Variants in FGD4 observed in about 807,000 individuals in gnomAD.
FGD4 encodes the protein FYVE, RhoGEF and PH domain-containing protein 4.
In FGD4, 42 loss-of-function variants were observed where a neutral mutation model predicts 102.0. The observed-to-expected ratio is 0.41, with a 90% confidence interval of 0.32 to 0.53. The LOEUF (loss-of-function observed/expected upper bound fraction) is 0.53. Among genes scored for constraint, FGD4 ranks in the 20% least tolerant of loss-of-function variants. FGD4 has a pLI of 0.21. For missense variants in FGD4, 902 were observed against 1,078.2 expected, an observed-to-expected ratio of 0.84 and a Z score of 2.29; for synonymous variants, 380 against 375.7, an observed-to-expected ratio of 1.01 and a Z score of -0.13.
At chr12:32,458,267 C>T (rs1454035683) in intron 1 of FGD4, among the ~76,000 whole-genome samples, 4 of 151,874 alleles carry the variant, frequency 2.6e-5, no homozygotes, top group Non-Finnish European at 5.9e-5. Flanking sequence ...CCTCCCTGGG[C>T]TCAGGTGATC....
intron 14 of FGD4, among the ~76,000 whole-genome samples, chr12:32,629,005 A>G (rs1592470024): frequency 6.6e-6 from 1 of 152,198 alleles, no homozygotes; most frequent in South Asian, 2.1e-4. Flanking sequence ...CTTCCTGAGT[A>G]TCTAAAGAAC....
Position 32,399,904 on chromosome 12 carries a change from C to A in FGD4, c.111C>A (p.His37Gln), listed in dbSNP as rs760657713. 79 of 1,527,692 alleles carry A rather than the reference C, an allele frequency of 5.2e-5. 1 individual carries two copies. In the South Asian group the frequency reaches 9.2e-4, roughly 18 times the overall value. The allele number at this position is 1,527,692 out of a possible 1,614,324, so 94.6% of individuals were successfully genotyped here. A position where few individuals can be genotyped will look rare whatever the true frequency, so the allele number is the denominator to read the frequency against. ...VPRPWSRPAS[H>Q]LGRVGTAAFK... Reference sequence around the variant, plus strand: ...GGCCCTGGAGCAGGCCCGCGTCGCACCTGGGACGTGTAGGGACCGCTGCCT... The same window carrying A: ...GGCCCTGGAGCAGGCCCGCGTCGCAACTGGGACGTGTAGGGACCGCTGCCT... The change falls in exon 1 of 17, where the codon CAC becomes CAA. Residue 37 changes from histidine to glutamine, a missense_variant. Physicochemically the swap from His to Gln is conservative, Grantham distance 24. Transcript: ENST00000534526.
rs144103660 is a variant in FGD4 at position 32,643,255 on chromosome 12, T to C, written c.*2722T>C. 1.2e-3 allele frequency: 181 copies of C among 152,646 alleles called. No individual in the cohort carries two copies. Among genetic ancestry groups the C allele is most frequent in the African/African-American group, 4.2e-3 (173 of 41,552 alleles). The allele number at this position is 152,646 out of a possible 1,614,324, so 9.5% of individuals were successfully genotyped here. ...GCTCAATAAAAAACACCAGCCACTT[T>C]TGTAATAATGGCATCACAGTGTCAT... On this transcript the variant is annotated 3_prime_UTR_variant, in exon 17 of 17. Transcript: ENST00000534526.
chr12:32,612,391 C>T (rs928502662), intron 10 of FGD4, among the ~76,000 whole-genome samples: 4 of 152,140 alleles, frequency 2.6e-5, no homozygotes, highest in Admixed American at 6.5e-5. Context: ...ACAAACCAAG[C>T]GCAGCCTGCC....
chr12:32,455,560 AC>A (rs1942925982), intron 1 of FGD4, among the ~76,000 whole-genome samples: 1 of 152,164 alleles, frequency 6.6e-6, no homozygotes, highest in East Asian at 1.9e-4. Context: ...AAAGGTATTT[AC>A]CCAAAAACTA....
chr12:32,582,234 C>G lies in FGD4; in HGVS notation c.778C>G (p.Leu260Val), dbSNP rs1946672471. Residue 260 changes from leucine (L) to valine (V), a missense_variant, in exon 4 of 17, where the codon CTT (leucine) becomes GTT (valine). Leu to Val is a conservative substitution (Grantham distance 32). Transcript: ENST00000534526. ...TTCTATTCAAGCTTCTGAACCCTTG[C>G]TTGATACGCACATAGTGAATGGAGA... is the stretch of plus-strand genomic sequence containing the variant. Reference protein sequence around the residue: ...DTSIQASEPLLDTHIVNGERD... With the variant: ...DTSIQASEPLVDTHIVNGERD... The G allele has an allele frequency of 6.2e-7, 1 of 1,614,114 alleles. No homozygotes were observed. The highest frequency in any genetic ancestry group is 8.5e-7 in the Non-Finnish European group (1 of 1,180,042).
intron 3 of FGD4, 138 bp from the exon 4 acceptor site, chr12:32,581,822 C>G: frequency 2.2e-6 from 2 of 907,304 alleles, no homozygotes; most frequent in Non-Finnish European, 3.3e-6. Context: ...TAAGAATATT[C>G]AAATCCATGT....
rs1940569174 is a variant in FGD4, at chr12:32,399,776, G to A, written c.-18G>A. On this transcript the variant is annotated 5_prime_UTR_variant, in exon 1 of 17. Coordinates refer to ENST00000534526, the MANE Select transcript of FGD4 (RefSeq NM_001370298.3). ...CGGGAGCGGGAGGAGTCGGGGAGCG[G>A]CGGTCGAGCCCGGCAGGATGAGCGA... 5 of 1,528,776 alleles carry A rather than the reference G, an allele frequency of 3.3e-6. No homozygotes were observed. The highest frequency in any genetic ancestry group is 4.4e-6 in the Non-Finnish European group (5 of 1,144,586). 94.7% of individuals were successfully genotyped at this position (1,528,776 alleles called of 1,614,324 possible).
At chr12:32,589,992 T>G (rs1179246795) in intron 4 of FGD4, among the ~76,000 whole-genome samples, 1 of 152,174 alleles carries the variant, frequency 6.6e-6, no homozygotes, top group Non-Finnish European at 1.5e-5. Context: ...GACAGCCTGT[T>G]GATGCTTATG....
intron 1 of FGD4, among the ~76,000 whole-genome samples, chr12:32,450,725 C>T (rs1196484437): frequency 6.6e-6 from 1 of 152,224 alleles, no homozygotes; most frequent in African/African-American, 2.4e-5. Context: ...TACACATTTA[C>T]ATGTTGTCTC....
At chr12:32,401,250 T>C (rs1591831109) in intron 1 of FGD4, among the ~76,000 whole-genome samples, 1 of 152,220 alleles carries the variant, frequency 6.6e-6, no homozygotes, top group Admixed American at 6.5e-5. Context: ...AGTTGGAGAA[T>C]AGTGGGCACC....
At chr12:32,534,541 C>A (rs1246618703) in intron 1 of FGD4, 2 of 1,316,824 alleles carry the variant, frequency 1.5e-6, no homozygotes, top group African/African-American at 1.5e-5. Context: ...TTTTCTTCCC[C>A]AGCGTGGGTC....
At chr12:32,473,206 A>G (rs973654740) in intron 1 of FGD4, among the ~76,000 whole-genome samples, 1 of 152,016 alleles carries the variant, frequency 6.6e-6, no homozygotes, top group Non-Finnish European at 1.5e-5. Flanking sequence ...GGGGCCAGAT[A>G]AGAGAATAAA....
chr12:32,436,633 T>C (rs1942237761), intron 1 of FGD4, among the ~76,000 whole-genome samples: 1 of 152,222 alleles, frequency 6.6e-6, no homozygotes, highest in Non-Finnish European at 1.5e-5. Flanking sequence ...ATAAGCTTTT[T>C]CCCTATCCCT....
At chr12:32,623,455 G>T (rs180673883) in intron 11 of FGD4, among the ~76,000 whole-genome samples, 1 of 152,172 alleles carries the variant, frequency 6.6e-6, no homozygotes, top group African/African-American at 2.4e-5. Flanking sequence ...CAGCATTCCT[G>T]GCACATCATG....
intron 1 of FGD4, among the ~76,000 whole-genome samples, chr12:32,514,567 G>A (rs1475946388): frequency 1.3e-5 from 2 of 151,886 alleles, no homozygotes; most frequent in Non-Finnish European, 2.9e-5. Context: ...GCTGGAGTGC[G>A]GTGGCGTGAT....
At chr12:32,627,031 A>G (rs1028469478) in intron 14 of FGD4, among the ~76,000 whole-genome samples, 2 of 151,228 alleles carry the variant, frequency 1.3e-5, no homozygotes, top group African/African-American at 4.9e-5. Context: ...TATTTTTAGT[A>G]GGGATGGGGT....
At chr12:32,464,364 G>A (rs1700083118) in intron 1 of FGD4, among the ~76,000 whole-genome samples, 1 of 151,736 alleles carries the variant, frequency 6.6e-6, no homozygotes, top group Non-Finnish European at 1.5e-5. Context: ...TGTTGCCCAG[G>A]CTGGTCTCGA....
intron 4 of FGD4, among the ~76,000 whole-genome samples, chr12:32,598,228 T>C (rs1948068006): frequency 6.6e-6 from 1 of 152,176 alleles, no homozygotes; most frequent in Non-Finnish European, 1.5e-5. Flanking sequence ...TGCTAGGAAC[T>C]GAAAAAGATA....
Sources: allele counts gnomAD v4.1 joint callset (sites outside exome capture counted in the v4.1 genomes callset), GRCh38; gene constraint gnomAD v4.1.1; transcripts MANE v1.5; gene names NCBI Gene and HGNC (gene_info 2026-07-23, HGNC 2026-07-21).